Variants in TESK1 observed in about 807,000 individuals in gnomAD.
TESK1 encodes dual specificity testis-specific protein kinase 1.
TESK1 carries 18 observed loss-of-function variants against 59.9 expected under a neutral mutation model. The observed-to-expected ratio is 0.30, with a 90% CI of 0.21 to 0.45. The LOEUF is 0.45. TESK1 is among the 20% of genes least tolerant of loss of function. The probability of loss-of-function intolerance (pLI) is 1.00; values close to 1 mark genes in which losing one functional copy is unlikely to be tolerated. For synonymous variants in TESK1, 341 were observed against 357.4 expected (o/e 0.95, Z 0.52); for missense variants, 748 against 840.9 (o/e 0.89, Z 1.37).
chr9:35,607,209 CTG>C lies in TESK1; in HGVS notation c.538-117_538-116del. ...TGCAATATTGAAGTGCCTTGAAAAA[CTG>C]GGAGAGCAGAGAGGGTTGGAGTTAT... On this transcript the variant is annotated intron_variant, in intron 4 of 9. Transcript: ENST00000336395. The surrounding 1 kb of genome is among the most constrained non-coding windows in gnomAD (Gnocchi z 4.5). 7.1e-7 allele frequency: 1 copy of C among 1,403,166 alleles called. No individual in the cohort carries two copies. 86.9% of individuals were successfully genotyped at this position (1,403,166 alleles called of 1,614,324 possible). A position where few individuals can be genotyped will look rare whatever the true frequency, so the allele number is the denominator to read the frequency against.
chr9:35,606,465 T>C (rs533064036), intron 3 of TESK1, among the ~76,000 whole-genome samples, 180 bp downstream of exon 3: 1 of 152,334 alleles, frequency 6.6e-6, no homozygotes, highest in South Asian at 2.1e-4. Context: ...ACTGGTCTTA[T>C]TCTCTGTATC....
intron 7 of TESK1, 47 bp from the exon 8 acceptor site, chr9:35,608,113 G>A (rs769112415): frequency 8.7e-6 from 14 of 1,610,768 alleles, no homozygotes; most frequent in East Asian, 2.2e-5. Flanking sequence ...AGCAGAAGGA[G>A]AACCCAAGAA....
rs761236327 is a variant in TESK1, at chr9:35,607,940, G to A, written c.724G>A (p.Ala242Thr). Residue 242 changes from alanine (A) to threonine (T), a missense_variant, in exon 7 of 10, where the codon GCC (alanine) becomes ACC (threonine). Around this residue, in one of 3 missense-constraint regions of TESK1, gnomAD observed 168 missense variants for 257.4 expected, o/e 0.65. Coordinates refer to ENST00000336395, the MANE Select transcript of TESK1 (RefSeq NM_006285.3). This position sits in a 1 kb window ranked among gnomAD's most constrained non-coding sequence, Gnocchi z 4.5. ...ELYDEKADVF[A>T]FGIVLCELIA... Reference sequence around the variant, plus strand: ...CTCTGACCCCCAGGCTGATGTCTTTGCCTTCGGGATTGTCCTCTGTGAGCT... The same window carrying A: ...CTCTGACCCCCAGGCTGATGTCTTTACCTTCGGGATTGTCCTCTGTGAGCT... 1 of 1,614,116 alleles carries A rather than the reference G, an allele frequency of 6.2e-7. No individual in the cohort carries two copies. Among genetic ancestry groups the A allele is most frequent in the East Asian group, 2.2e-5 (1 of 44,884 alleles).
Position 35,609,038 on chromosome 9 carries a change from A to G in TESK1, c.1177A>G (p.Lys393Glu), listed in dbSNP as rs1333511425. 1 of 1,614,038 alleles carries G rather than the reference A, an allele frequency of 6.2e-7. No individual in the cohort carries two copies. Among genetic ancestry groups the G allele is most frequent in the African/African-American group, 1.3e-5 (1 of 74,918 alleles). ...GGAAGACCTCAGGGGTGGCAAGATCAAGCTCTTAGACACACCCAGCAAGCC... is the reference window on the plus strand; with the variant it reads ...GGAAGACCTCAGGGGTGGCAAGATCGAGCTCTTAGACACACCCAGCAAGCC... ...LREDLRGGKI[K>E]LLDTPSKPVL... The change falls in exon 10 of 10, where the codon AAG becomes GAG. Residue 393 changes from lysine (K) to glutamate (E), a missense_variant. Coordinates refer to ENST00000336395, the MANE Select transcript of TESK1 (RefSeq NM_006285.3). This position sits in a 1 kb window ranked among gnomAD's most constrained non-coding sequence, Gnocchi z 6.7.
chr9:35,607,390 G>A lies in TESK1; in HGVS notation c.601G>A (p.Glu201Lys), dbSNP rs1822871569. 10 of 1,614,126 alleles carry A rather than the reference G, an allele frequency of 6.2e-6. No homozygotes were observed. Among genetic ancestry groups the A allele is most frequent in the Middle Eastern group, 1.6e-4 (1 of 6,062 alleles). ...TGTCGTGGGTGACTTCGGGCTGGCC[G>A]AAAAGATTCCTGTGTATAGGTGAGA... ...TAVVGDFGLA[E>K]KIPVYREGAR... is the part of the protein sequence containing the mutation. Residue 201 changes from glutamate to lysine, a missense_variant, in exon 5 of 10, where the codon GAA becomes AAA. Physicochemically the swap from Glu to Lys is moderately conservative, Grantham distance 56. Coordinates refer to ENST00000336395, the MANE Select transcript of TESK1 (RefSeq NM_006285.3). The surrounding 1 kb of genome is among the most constrained non-coding windows in gnomAD (Gnocchi z 4.5).
Position 35,606,172 on chromosome 9 carries a change from G to A in TESK1, c.342-65G>A. On this transcript the variant is annotated intron_variant, in intron 2 of 9. Transcript: ENST00000336395. ...GAAAGGGAAAGATCCCGCGGGAAAA[G>A]TGGAACTGAGGAGGAGCTGAGGCCT... is the stretch of plus-strand genomic sequence containing the variant. The A allele has an allele frequency of 1.9e-6, 3 of 1,614,174 alleles. No individual in the cohort carries two copies. The South Asian group carries it at 3.3e-5, about 18-fold the overall frequency.
At chr9:35,608,071 G>A (rs1393773262) in intron 7 of TESK1, 60 bp downstream of exon 7, 4 of 1,610,020 alleles carry the variant, frequency 2.5e-6, no homozygotes, top group Non-Finnish European at 3.4e-6. Context: ...TAACCAAGGA[G>A]GATTCCCTAG....
Position 35,606,289 on chromosome 9 carries a change from A to G in TESK1, c.390+4A>G, listed in dbSNP as rs778062312. 1 of 1,613,796 alleles carries G rather than the reference A, an allele frequency of 6.2e-7. No individual in the cohort carries two copies. Among genetic ancestry groups the G allele is most frequent in the South Asian group, 1.1e-5 (1 of 91,062 alleles). ...ACAGCTGCACGCTCTTACAGAGGTG[A>G]GGATAGGCCAGGAAGGAGGGATCCC... On this transcript the variant is annotated splice_donor_region_variant and intron_variant, in intron 3 of 9. Transcript: ENST00000336395.
Position 35,605,701 on chromosome 9 carries a change from G to A in TESK1, c.82G>A (p.Gly28Ser), listed in dbSNP as rs1402118097. ...VPGEGPPGPG[G>S]TGGGPGRGRP... ...GGGGGAGGGGCCCCCGGGGCCGGGG[G>A]GCACGGGCGGAGGCCCGGGCCGGGG... The change falls in exon 1 of 10, where the codon GGC (glycine) becomes AGC (serine). Residue 28 changes from glycine to serine, a missense_variant. Around this residue, in one of 3 missense-constraint regions of TESK1, gnomAD observed 133 missense variants for 117.4 expected, o/e 1.13. Transcript: ENST00000336395. The A allele has an allele frequency of 2.7e-6, 4 of 1,506,528 alleles. No individual in the cohort carries two copies. The highest frequency in any genetic ancestry group is 1.2e-5 in the South Asian group (1 of 81,948). 93.3% of individuals were successfully genotyped at this position (1,506,528 alleles called of 1,614,324 possible). A position where few individuals can be genotyped will look rare whatever the true frequency, so the allele number is the denominator to read the frequency against.
chr9:35,606,851 G>T lies in TESK1; in HGVS notation c.405G>T (p.Gly135=), dbSNP rs564093059. The T allele has an allele frequency of 8.1e-6, 13 of 1,608,798 alleles. No individual in the cohort carries two copies. The highest frequency in any genetic ancestry group is 5.1e-5 in the Admixed American group (3 of 58,732). The part of the protein sequence containing the change: ...LHALTEYMNG[G]TLEQLLSSPE... ...CTATGCACCAGTATATGAATGGGGG[G>T]ACATTGGAACAGCTGCTCAGCTCCC... is the stretch of plus-strand genomic sequence containing the variant. The change falls in exon 4 of 10, where the codon GGG becomes GGT. Residue 135 remains glycine, a synonymous_variant. Transcript: ENST00000336395.
Position 35,607,210 on chromosome 9 carries a change from T to C in TESK1, c.538-117T>C. 1 of 1,408,012 alleles carries C rather than the reference T, an allele frequency of 7.1e-7. No homozygotes were observed. The highest frequency in any genetic ancestry group is 1.0e-6 in the Non-Finnish European group (1 of 1,004,798). The allele number at this position is 1,408,012 out of a possible 1,614,324, so 87.2% of individuals were successfully genotyped here. A position where few individuals can be genotyped will look rare whatever the true frequency, so the allele number is the denominator to read the frequency against. On this transcript the variant is annotated intron_variant, in intron 4 of 9. Coordinates refer to ENST00000336395, the MANE Select transcript of TESK1 (RefSeq NM_006285.3). The surrounding 1 kb of genome is among the most constrained non-coding windows in gnomAD (Gnocchi z 4.5). The stretch of plus-strand genomic sequence containing the variant: ...GCAATATTGAAGTGCCTTGAAAAAC[T>C]GGGAGAGCAGAGAGGGTTGGAGTTA...
chr9:35,608,041 A>G (rs1425321682), intron 7 of TESK1, 30 bp downstream of exon 7: 14 of 1,612,972 alleles, frequency 8.7e-6, no homozygotes, highest in Non-Finnish European at 1.1e-5. Context: ...CAAAGAAAGA[A>G]TTCCAGACTA....
At chr9:35,606,718 G>T in intron 3 of TESK1, 119 bp from the exon 4 acceptor site, 1 of 991,522 alleles carries the variant, frequency 1.0e-6, no homozygotes, top group Non-Finnish European at 1.4e-6. Context: ...GGGTCCTACA[G>T]CACAGTCTTA....
intron 2 of TESK1, 59 bp from the exon 3 acceptor site, chr9:35,606,178 C>A: frequency 6.2e-7 from 1 of 1,614,154 alleles, no homozygotes; most frequent in African/African-American, 1.3e-5. Flanking sequence ...AAAAGTGGAA[C>A]TGAGGAGGAG....
intron 9 of TESK1, 92 bp from the exon 10 acceptor site, chr9:35,608,770 C>T: frequency 6.9e-7 from 1 of 1,442,664 alleles, no homozygotes; most frequent in East Asian, 2.3e-5. Context: ...TTTTCAAGCT[C>T]TAGTCCCACC....
Position 35,607,823 on chromosome 9 carries a change from A to G in TESK1, c.712-105A>G. 7.3e-7 allele frequency: 1 copy of G among 1,369,794 alleles called. No homozygotes were observed. 84.9% of individuals were successfully genotyped at this position (1,369,794 alleles called of 1,614,324 possible). Reference sequence around the variant, plus strand: ...CACAGGCACCCTTCTAACACATGAAAACTGTCAAGATCCCCCACCCTCAAC... The same window carrying G: ...CACAGGCACCCTTCTAACACATGAAGACTGTCAAGATCCCCCACCCTCAAC... On this transcript the variant is annotated intron_variant, in intron 6 of 9. Transcript: ENST00000336395. This position sits in a 1 kb window ranked among gnomAD's most constrained non-coding sequence, Gnocchi z 4.5.
intron 2 of TESK1, 55 bp downstream of exon 2, chr9:35,606,160 C>T (rs757804543): frequency 1.2e-4 from 193 of 1,613,962 alleles, no homozygotes; most frequent in Non-Finnish European, 1.6e-4. Context: ...AGGGAAAGAT[C>T]CCGCGGGAAA....
At position 35,606,996 on chromosome 9, in the gene TESK1, G is replaced by T; in HGVS notation, c.537+13G>T. Reference sequence around the variant, plus strand: ...CCTCACATCCAAGGTAGGCTAGCAGGGTGGGTGGAGACATGAAAGAGGGTT... The same window carrying T: ...CCTCACATCCAAGGTAGGCTAGCAGTGTGGGTGGAGACATGAAAGAGGGTT... On this transcript the variant is annotated intron_variant, in intron 4 of 9. Transcript: ENST00000336395. 1 of 1,573,266 alleles carries T rather than the reference G, an allele frequency of 6.4e-7. No individual in the cohort carries two copies.
chr9:35,607,136 G>C lies in TESK1; in HGVS notation c.537+153G>C. 7.8e-7 allele frequency: 1 copy of C among 1,278,566 alleles called. No homozygotes were observed. Among genetic ancestry groups the C allele is most frequent in the Non-Finnish European group, 1.1e-6 (1 of 928,424 alleles). 79.2% of individuals were successfully genotyped at this position (1,278,566 alleles called of 1,614,324 possible). On this transcript the variant is annotated intron_variant, in intron 4 of 9. Transcript: ENST00000336395. The surrounding 1 kb of genome is among the most constrained non-coding windows in gnomAD (Gnocchi z 4.5). ...ATTGGGGGACCAGGGTGAGGGGAGT[G>C]CTCGGAGGGACTGAGTAGCACCCTG... is the stretch of plus-strand genomic sequence containing the variant.
Sources: gnomAD v4.1 joint callset for allele counts (sites outside exome capture counted in the v4.1 genomes callset) on GRCh38, gnomAD v4.1.1 for gene constraint, gnomAD v4.1.1 regional missense constraint, Gnocchi (gnomAD v3.1) non-coding constraint, MANE v1.5 for transcripts, NCBI Gene and HGNC (gene_info 2026-07-23, HGNC 2026-07-21) for gene names.